FARP1: variants seen among roughly 807,000 people sequenced by gnomAD.
FARP1 encodes FERM, ARH/RhoGEF and pleckstrin domain protein 1.
FARP1 carries 52 observed loss-of-function variants against 128.8 expected under a neutral mutation model. That is an observed-to-expected ratio of 0.40 (90% CI 0.32 to 0.51). FARP1 has a LOEUF of 0.51. Among genes scored for constraint, FARP1 ranks in the 20% least tolerant of loss-of-function variants. The probability of loss-of-function intolerance (pLI) is 0.45; values close to 1 mark genes in which losing one functional copy is unlikely to be tolerated. For missense variants in FARP1, 1,333 were observed against 1,367.9 expected, an observed-to-expected ratio of 0.97 and a Z score of 0.40; for synonymous variants, 580 against 551.8, an observed-to-expected ratio of 1.05 and a Z score of -0.72.
intron 1 of FARP1, among the ~76,000 whole-genome samples, chr13:98,170,783 C>T (rs74910242): frequency 0.051 from 7,704 of 152,212 alleles, 267 homozygotes; most frequent in Admixed American, 0.11. Flanking sequence ...TGAGCCACCG[C>T]GCCCGGCCAT....
At chr13:98,213,546 G>T in intron 2 of FARP1, 133 bp downstream of exon 2, 1 of 880,210 alleles carries the variant, frequency 1.1e-6, no homozygotes, top group South Asian at 1.8e-5. Flanking sequence ...CTCCCTCCCC[G>T]CCCCCCAATG....
At chr13:98,219,371 T>C (rs1290671928) in intron 2 of FARP1, among the ~76,000 whole-genome samples, 1 of 152,154 alleles carries the variant, frequency 6.6e-6, no homozygotes, top group Non-Finnish European at 1.5e-5. Flanking sequence ...TTTTTTTTTT[T>C]TGAGACAAGA....
At chr13:98,227,034 G>A (rs577514606) in intron 2 of FARP1, among the ~76,000 whole-genome samples, 118 of 151,350 alleles carry the variant, frequency 7.8e-4, no homozygotes, top group African/African-American at 2.7e-3. Context: ...TACGCCTCCC[G>A]GGTTCACGTC....
At chr13:98,142,982 C>G (rs1421280306), upstream of FARP1, 2 of 149,144 alleles carry the variant, frequency 1.3e-5, no homozygotes, top group Non-Finnish European at 3.0e-5. Context: ...GGCGCGGGCC[C>G]GGACGCTGGA....
intron 2 of FARP1, among the ~76,000 whole-genome samples, chr13:98,236,450 A>G (rs1264167509): frequency 2.0e-5 from 3 of 152,232 alleles, no homozygotes; most frequent in Non-Finnish European, 4.4e-5. Flanking sequence ...GCATTTCTAA[A>G]ATAATACAGT....
chr13:98,434,144 C>G (rs1892156545), intron 18 of FARP1: 1 of 152,224 alleles, frequency 6.6e-6, no homozygotes, highest in Non-Finnish European at 1.5e-5. Flanking sequence ...CTGTAGGAGC[C>G]TAGGTTTCCA....
intron 2 of FARP1, among the ~76,000 whole-genome samples, chr13:98,238,753 T>G (rs1882594391): frequency 6.6e-6 from 1 of 152,190 alleles, no homozygotes; most frequent in East Asian, 1.9e-4. Flanking sequence ...GGAACTACAA[T>G]TCGAGATGAG....
chr13:98,153,325 A>ATATATT (rs1260808786), intron 1 of FARP1, among the ~76,000 whole-genome samples: 2 of 10,716 alleles, frequency 1.9e-4, no homozygotes, highest in South Asian at 0.02. Context: ...ATATATAAAT[A>ATATATT]ATATAATATA....
At chr13:98,186,106 T>A (rs1878849383) in intron 1 of FARP1, among the ~76,000 whole-genome samples, 1 of 152,154 alleles carries the variant, frequency 6.6e-6, no homozygotes, top group African/African-American at 2.4e-5. Flanking sequence ...TTTCTTTTTC[T>A]TTTCTTTTTT....
chr13:98,144,831 T>C (rs2139064394), intron 1 of FARP1, among the ~76,000 whole-genome samples: 1 of 152,312 alleles, frequency 6.6e-6, no homozygotes, highest in South Asian at 2.1e-4. Context: ...TCATCCTATC[T>C]TTGGCTTTCT....
intron 2 of FARP1, among the ~76,000 whole-genome samples, chr13:98,270,670 A>T (rs1884348462): frequency 6.6e-6 from 1 of 152,200 alleles, no homozygotes; most frequent in Non-Finnish European, 1.5e-5. Flanking sequence ...GCAATGCAGG[A>T]TGGTGAATAT....
intron 2 of FARP1, among the ~76,000 whole-genome samples, chr13:98,284,265 G>A (rs1209816570): frequency 3.3e-5 from 5 of 151,896 alleles, no homozygotes; most frequent in Non-Finnish European, 7.4e-5. Context: ...TTCTTCCAGT[G>A]TGGCCCAGGG....
At chr13:98,351,934 C>T (rs140164673) in intron 3 of FARP1, among the ~76,000 whole-genome samples, 1 of 152,122 alleles carries the variant, frequency 6.6e-6, no homozygotes, top group East Asian at 1.9e-4. Flanking sequence ...CACATTTCAA[C>T]AAGATTTGGA....
intron 2 of FARP1, among the ~76,000 whole-genome samples, chr13:98,290,502 G>A (rs1367396731): frequency 6.6e-6 from 1 of 152,078 alleles, no homozygotes; most frequent in Non-Finnish European, 1.5e-5. Context: ...GAACCGCAAG[G>A]TGTCCTCCAT....
chr13:98,230,750 G>A (rs1159805093), intron 2 of FARP1, among the ~76,000 whole-genome samples: 2 of 152,156 alleles, frequency 1.3e-5, no homozygotes, highest in African/African-American at 4.8e-5. Context: ...AGGATCTACG[G>A]GTAAAGGAGA....
At chr13:98,333,608 G>C (rs763265755) in intron 2 of FARP1, 1 of 152,298 alleles carries the variant, frequency 6.6e-6, no homozygotes, top group Non-Finnish European at 1.5e-5. Context: ...GCCTGGAGTC[G>C]GGGACTCTGA....
chr13:98,309,434 G>A (rs1312794868), intron 2 of FARP1, among the ~76,000 whole-genome samples: 1 of 151,854 alleles, frequency 6.6e-6, no homozygotes, highest in African/African-American at 2.4e-5. Context: ...CTCCCAAAGT[G>A]CTGGGATTAC....
chr13:98,350,746 G>T (rs577672109), intron 3 of FARP1, among the ~76,000 whole-genome samples: 1 of 152,222 alleles, frequency 6.6e-6, no homozygotes, highest in East Asian at 1.9e-4. Context: ...GTTGACTGGG[G>T]AGCTACTTCC....
In FARP1 at chr13:98,444,284, C is replaced by T. The variant is rs114810356; in HGVS notation, c.2797-1814C>T. 1.0e-2 allele frequency among the ~76,000 whole-genome samples: 1,521 copies of T among 152,246 alleles called. 20 individuals are homozygous for T. Among genetic ancestry groups the T allele is most frequent in the African/African-American group, 0.034 (1,407 of 41,536 alleles). ...ATCGCATCTGCAGAGACCCTGTGTCCATGTGAGGTCACCATTGTAGGCACG... is the reference window on the plus strand; with the variant it reads ...ATCGCATCTGCAGAGACCCTGTGTCTATGTGAGGTCACCATTGTAGGCACG... On this transcript the variant is annotated intron_variant, in intron 24 of 26. Transcript: ENST00000319562.
Sources: gnomAD v4.1 joint callset for allele counts (sites outside exome capture counted in the v4.1 genomes callset) on GRCh38, gnomAD v4.1.1 for gene constraint, MANE v1.5 for transcripts, NCBI Gene and HGNC (gene_info 2026-07-23, HGNC 2026-07-21) for gene names.